HOOK3: variants seen among roughly 807,000 people sequenced by gnomAD.
HOOK3 encodes the protein hook microtubule tethering protein 3, also known as protein Hook homolog 3.
HOOK3 carries 24 observed loss-of-function variants against 116.3 expected under a neutral mutation model. The ratio of observed to expected loss-of-function variants is 0.21; its 90% confidence interval spans 0.15 to 0.29. The LOEUF is 0.29. Among genes scored for constraint, HOOK3 ranks in the 10% least tolerant of loss-of-function variants. HOOK3 has a pLI of 1.00. For synonymous variants in HOOK3, 275 were observed against 283.0 expected (o/e 0.97, Z 0.28); for missense variants, 632 against 830.2 (o/e 0.76, Z 2.93).
chr8:42,898,651 A>C lies in HOOK3; in HGVS notation c.57+1463A>C, dbSNP rs79782199. On this transcript the variant is annotated intron_variant, in intron 1 of 21. Coordinates refer to ENST00000307602, the MANE Select transcript of HOOK3 (RefSeq NM_032410.4). ...CCTTTATGCTAGAAGAAGCAGCCAG[A>C]AGGCAAAGATGAAGCTAATTGAATC... 7.0e-3 allele frequency among the ~76,000 whole-genome samples: 1,072 copies of C among 152,340 alleles called. 21 individuals carry two copies. Among genetic ancestry groups the C allele is most frequent in the African/African-American group, 0.025 (1,022 of 41,576 alleles).
rs546411821 is a variant in HOOK3, at chr8:42,989,671, T to C, written c.1532+2876T>C. Among the ~76,000 whole-genome samples, 11 of 152,312 alleles carry C rather than the reference T, an allele frequency of 7.2e-5. No individual in the cohort carries two copies. The East Asian group carries it at 2.1e-3, about 29-fold the overall frequency. ...ACATTATTTTTTACTATAGTCACTT[T>C]GTTGCGCTAGGAAATACTAGGTCTT... On this transcript the variant is annotated intron_variant, in intron 15 of 21. Transcript: ENST00000307602.
intron 18 of HOOK3, among the ~76,000 whole-genome samples, 192 bp downstream of exon 18, chr8:43,008,121 C>A (rs1809528222): frequency 1.3e-5 from 2 of 151,954 alleles, no homozygotes; most frequent in South Asian, 2.1e-4. Context: ...TGGGTTCTTG[C>A]CATTCTCCTG....
In HOOK3 at chr8:42,968,135, T is replaced by C; in HGVS notation, c.1043T>C (p.Met348Thr). The change falls in exon 11 of 22, where the codon ATG becomes ACG. Residue 348 changes from methionine to threonine, a missense_variant. Transcript: ENST00000307602. ...TTAGAAGAGAAGAATACCATGTATA[T>C]GCAGAATACTGTCAGTCTAGAGGAA... ...KLLEEKNTMY[M>T]QNTVSLEEEL... The C allele has an allele frequency of 6.2e-7, 1 of 1,613,648 alleles. No individual in the cohort carries two copies.
At chr8:42,927,164 T>A (rs1807781142) in intron 3 of HOOK3, among the ~76,000 whole-genome samples, 1 of 152,184 alleles carries the variant, frequency 6.6e-6, no homozygotes. Context: ...AGTATTTATT[T>A]GTTGCTTAAG....
At chr8:43,013,634 T>C (rs954788582) in intron 21 of HOOK3, among the ~76,000 whole-genome samples, 1 of 152,194 alleles carries the variant, frequency 6.6e-6, no homozygotes, top group African/African-American at 2.4e-5. Flanking sequence ...GAAAGATAAA[T>C]GTCAGTCTAA....
chr8:42,979,857 C>T (rs1808902218), intron 13 of HOOK3, among the ~76,000 whole-genome samples: 1 of 152,180 alleles, frequency 6.6e-6, no homozygotes, highest in South Asian at 2.1e-4. Flanking sequence ...CTTGTTTTCA[C>T]CAAAAATATA....
Position 42,925,364 on chromosome 8 carries a change from G to T in HOOK3, c.144-193G>T, listed in dbSNP as rs143788203. On this transcript the variant is annotated intron_variant, in intron 2 of 21. Coordinates refer to ENST00000307602, the MANE Select transcript of HOOK3 (RefSeq NM_032410.4). ...TCTGCCCACCTCAGCCTCCCAAAGT[G>T]CTGGGATTACAGGATGAGCCACCAT... Among the ~76,000 whole-genome samples the T allele has an allele frequency of 3.1e-4, 47 of 152,274 alleles. No individual in the cohort carries two copies. The East Asian group carries it at 8.7e-3, about 28-fold the overall frequency.
chr8:42,973,198 A>G, intron 11 of HOOK3, 91 bp from the exon 12 acceptor site: 1 of 1,362,882 alleles, frequency 7.3e-7, no homozygotes, highest in Admixed American at 2.6e-5. Flanking sequence ...CTGGTGGGAG[A>G]GATTTTGGTT....
Position 42,957,100 on chromosome 8 carries a change from A to C in HOOK3, c.475A>C (p.Ser159Arg), listed in dbSNP as rs1026255190. Reference sequence around the variant, plus strand: ...ATTTAAATCTTGATTTCAGCTGATGAGTAAAGAATCTCCTGTCTCTGCTGG... The same window carrying C: ...ATTTAAATCTTGATTTCAGCTGATGCGTAAAGAATCTCCTGTCTCTGCTGG... ...VVMTAIQELM[S>R]KESPVSAGND... is the part of the protein sequence containing the mutation. Residue 159 changes from serine to arginine, a missense_variant, in exon 7 of 22, where the codon AGT becomes CGT. This residue lies in a region of HOOK3 where 483 missense variants were observed against 648.1 expected (regional missense o/e 0.75). Transcript: ENST00000307602. 1 of 1,582,804 alleles carries C rather than the reference A, an allele frequency of 6.3e-7. No homozygotes were observed. The highest frequency in any genetic ancestry group is 8.6e-7 in the Non-Finnish European group (1 of 1,158,788).
At position 42,964,293 on chromosome 8, in the gene HOOK3, C is replaced by T. The variant is rs374942538; in HGVS notation, c.616-18C>T. On this transcript the variant is annotated intron_variant, in intron 8 of 21. Coordinates refer to ENST00000307602, the MANE Select transcript of HOOK3 (RefSeq NM_032410.4). ...TGTAGTTGGAAGAAATAACTGCCGT[C>T]GTCCTATATTCCAACAGGTTGCAGC... is the stretch of plus-strand genomic sequence containing the variant. The T allele has an allele frequency of 2.5e-6, 4 of 1,612,786 alleles. No homozygotes were observed. Among genetic ancestry groups the T allele is most frequent in the South Asian group, 1.1e-5 (1 of 91,008 alleles).
intron 5 of HOOK3, 52 bp from the exon 6 acceptor site, chr8:42,950,336 C>T: frequency 8.3e-7 from 1 of 1,212,004 alleles, no homozygotes. Flanking sequence ...CCTTGATTCC[C>T]TTGACCATCT....
chr8:42,920,311 A>C (rs1029185802), intron 2 of HOOK3, among the ~76,000 whole-genome samples: 1 of 152,244 alleles, frequency 6.6e-6, no homozygotes, highest in Non-Finnish European at 1.5e-5. Flanking sequence ...GGTCTTTAGA[A>C]AACATTACTG....
chr8:42,951,718 G>A (rs991133442), intron 6 of HOOK3, among the ~76,000 whole-genome samples: 4 of 152,012 alleles, frequency 2.6e-5, no homozygotes, highest in South Asian at 2.1e-4. Flanking sequence ...CGAGGCAGGC[G>A]GATCACGAGG....
In HOOK3 at chr8:43,021,104, GAAAAAAAAAAAA is replaced by G. The variant is rs34161624; in HGVS notation, c.*2624_*2635del. The G allele has an allele frequency of 0.015, 476 of 32,288 alleles. 5 individuals carry two copies. Among genetic ancestry groups the G allele is most frequent in the African/African-American group, 0.039 (420 of 10,648 alleles). 2.0% of individuals were successfully genotyped at this position (32,288 alleles called of 1,614,324 possible). A position where few individuals can be genotyped will look rare whatever the true frequency, so the allele number is the denominator to read the frequency against. ...CGACAAGAGCGAAACTCTGTCGCAA[GAAAAAAAAAAAA>G]AAAAAAAAAAAAAAAAACAGTCTGT... On this transcript the variant is annotated 3_prime_UTR_variant, in exon 22 of 22. Transcript: ENST00000307602.
chr8:42,951,675 C>G (rs1808347401), intron 6 of HOOK3, among the ~76,000 whole-genome samples: 1 of 151,888 alleles, frequency 6.6e-6, no homozygotes, highest in Admixed American at 6.6e-5. Flanking sequence ...GGTGCGGTGG[C>G]CTCACACCTG....
chr8:42,970,642 T>C (rs1260555319), intron 11 of HOOK3, among the ~76,000 whole-genome samples: 1 of 152,200 alleles, frequency 6.6e-6, no homozygotes, highest in Non-Finnish European at 1.5e-5. Flanking sequence ...CCATTTTCAC[T>C]TTATTGCTAA....
Position 43,023,387 on chromosome 8 carries a change from C to CTCCTTCCT in HOOK3, c.*4917_*4924dup, listed in dbSNP as rs146546928. 0.14 allele frequency: 19,874 copies of CTCCTTCCT among 146,116 alleles called. 1,738 individuals are homozygous for CTCCTTCCT. Among genetic ancestry groups the CTCCTTCCT allele is most frequent in the Non-Finnish European group, 0.19 (13,185 of 67,872 alleles). The allele number at this position is 146,116 out of a possible 1,614,324, so 9.1% of individuals were successfully genotyped here. On this transcript the variant is annotated 3_prime_UTR_variant, in exon 22 of 22. Transcript: ENST00000307602. ...CCACTTTGCTATCTCTCCTTCCTTC[C>CTCCTTCCT]TCCTTCCTTCCTTCCTTCCTTCCTT...
chr8:42,897,194 TG>T lies in HOOK3; in HGVS notation c.57+11del. On this transcript the variant is annotated splice_region_variant and intron_variant, in intron 1 of 21. Coordinates refer to ENST00000307602, the MANE Select transcript of HOOK3 (RefSeq NM_032410.4). The stretch of plus-strand genomic sequence containing the variant: ...GCGAGAGCCTCCTCACTTGGGTACG[TG>T]GGGGCCGCGGGCCGGCGGGAAGACC... 8.1e-7 allele frequency: 1 copy of T among 1,239,258 alleles called. No individual in the cohort carries two copies. 76.8% of individuals were successfully genotyped at this position (1,239,258 alleles called of 1,614,324 possible).
rs767638930 is a variant in HOOK3, at chr8:43,013,170, T to C, written c.1944+15T>C. On this transcript the variant is annotated intron_variant, in intron 20 of 21. Transcript: ENST00000307602. The stretch of plus-strand genomic sequence containing the variant: ...ACTCATTAGAGGTAGTTTACTATAC[T>C]GTACAATAAAATAATTGTGTTTTGA... 1.3e-6 allele frequency: 2 copies of C among 1,531,920 alleles called. No homozygotes were observed. The highest frequency in any genetic ancestry group is 1.2e-5 in the South Asian group (1 of 82,424). The allele number at this position is 1,531,920 out of a possible 1,614,324, so 94.9% of individuals were successfully genotyped here.
Sources: gnomAD v4.1 joint callset for allele counts (sites outside exome capture counted in the v4.1 genomes callset) on GRCh38, gnomAD v4.1.1 for gene constraint, gnomAD v4.1.1 regional missense constraint, MANE v1.5 for transcripts, NCBI Gene and HGNC (gene_info 2026-07-23, HGNC 2026-07-21) for gene names.